The following C12orf42 variants were observed in gnomAD, a reference collection of about 807,000 sequenced individuals.
C12orf42 encodes chromosome 12 open reading frame 42.
A neutral mutation model predicts 21.6 loss-of-function variants in C12orf42; 25 were observed. The observed-to-expected ratio is 1.16, with a 90% CI of 0.84 to 1.62. The LOEUF is 1.62. C12orf42 is among the 40% of genes most tolerant of loss of function. The pLI is 0.00. For missense variants in C12orf42, 483 were observed against 459.3 expected, an observed-to-expected ratio of 1.05 and a Z score of -0.47; for synonymous variants, 174 against 175.0, an observed-to-expected ratio of 0.99 and a Z score of 0.05.
chr12:103,440,457 C>CAAAAAAAA, intron 2 of C12orf42, among the ~76,000 whole-genome samples: 73 of 69,670 alleles, frequency 1.0e-3, no homozygotes, highest in East Asian at 1.5e-3. Context: ...TCACAGATAC[C>CAAAAAAAA]AAAAAAAAAA....
At chr12:103,408,781 T>C (rs1050143041) in intron 2 of C12orf42, among the ~76,000 whole-genome samples, 1 of 152,290 alleles carries the variant, frequency 6.6e-6, no homozygotes, top group East Asian at 1.9e-4. Flanking sequence ...TGTATATTTT[T>C]TGTCAACTCC....
the C12orf42 span, among the ~76,000 whole-genome samples, chr12:103,103,870 G>A: frequency 4.0e-5 from 6 of 150,760 alleles, no homozygotes; most frequent in African/African-American, 1.2e-4. Context: ...GTGCGATCGC[G>A]GCTCACTGCA....
At chr12:103,102,704 C>T in the C12orf42 span, among the ~76,000 whole-genome samples, 1 of 152,188 alleles carries the variant, frequency 6.6e-6, no homozygotes. Flanking sequence ...ACAAATTTAG[C>T]AGCTTAAAAC....
intron 2 of C12orf42, among the ~76,000 whole-genome samples, chr12:103,421,433 G>A (rs2049891500): frequency 6.6e-6 from 1 of 151,966 alleles, no homozygotes; most frequent in Non-Finnish European, 1.5e-5. Flanking sequence ...TATTACCTGA[G>A]TGTGGTGGTG....
chr12:103,312,987 C>T (rs1322296757), intron 4 of C12orf42, among the ~76,000 whole-genome samples: 1 of 152,232 alleles, frequency 6.6e-6, no homozygotes, highest in Non-Finnish European at 1.5e-5. Context: ...ACTTCACACC[C>T]ACTTCTTGTA....
At chr12:103,519,350 A>G in the C12orf42 span, among the ~76,000 whole-genome samples, 1 of 152,138 alleles carries the variant, frequency 6.6e-6, no homozygotes, top group Non-Finnish European at 1.5e-5. Flanking sequence ...ACTTCATACT[A>G]TGTCCCAAAG....
At chr12:103,383,177 G>A (rs1833671491) in intron 3 of C12orf42, among the ~76,000 whole-genome samples, 1 of 151,410 alleles carries the variant, frequency 6.6e-6, no homozygotes, top group Non-Finnish European at 1.5e-5. Context: ...CCAGGCTGGA[G>A]TGCATTGGTG....
At chr12:103,457,511 A>G (rs1727554093) in intron 2 of C12orf42, among the ~76,000 whole-genome samples, 1 of 152,188 alleles carries the variant, frequency 6.6e-6, no homozygotes, top group Admixed American at 6.6e-5. Flanking sequence ...GTATTCAGGA[A>G]GATGGTCCAT....
At chr12:103,467,104 T>C (rs750855495) in intron 2 of C12orf42, among the ~76,000 whole-genome samples, 2 of 152,086 alleles carry the variant, frequency 1.3e-5, no homozygotes, top group African/African-American at 2.4e-5. Flanking sequence ...AAAATAAATA[T>C]TTACCGCTGT....
the C12orf42 span, among the ~76,000 whole-genome samples, chr12:103,144,570 G>A: frequency 6.6e-6 from 1 of 152,200 alleles, no homozygotes; most frequent in Non-Finnish European, 1.5e-5. Flanking sequence ...TTTCATCACT[G>A]CAAGGCAGTA....
the C12orf42 span, among the ~76,000 whole-genome samples, chr12:103,087,228 A>G: frequency 6.6e-6 from 1 of 152,198 alleles, no homozygotes; most frequent in Non-Finnish European, 1.5e-5. Context: ...TCACATATTA[A>G]ATGACTGTAA....
At chr12:103,256,085 AAT>A (rs1565998064) in intron 10 of C12orf42, among the ~76,000 whole-genome samples, 779 of 58,774 alleles carry the variant, frequency 0.013, 7 homozygotes, top group Non-Finnish European at 0.016. Context: ...AAAAAAAAAA[AAT>A]ATATATATAT....
At chr12:103,073,976 A>G in the C12orf42 span, among the ~76,000 whole-genome samples, 4 of 152,140 alleles carry the variant, frequency 2.6e-5, no homozygotes, top group East Asian at 7.7e-4. Context: ...ATTTGAACCC[A>G]ATGAGAGCCA....
At chr12:103,117,580 C>T in the C12orf42 span, among the ~76,000 whole-genome samples, 2 of 152,332 alleles carry the variant, frequency 1.3e-5, no homozygotes, top group Admixed American at 6.5e-5. Flanking sequence ...GTTTAACCTT[C>T]ACATCAATGC....
chr12:103,320,984 CTG>C (rs2136857287), intron 4 of C12orf42, among the ~76,000 whole-genome samples: 1 of 152,300 alleles, frequency 6.6e-6, no homozygotes, highest in Admixed American at 6.5e-5. Context: ...ATGCCACGCT[CTG>C]TGAGTGTTCT....
chr12:103,467,977 G>A (rs1288550512), intron 2 of C12orf42, among the ~76,000 whole-genome samples: 1 of 151,946 alleles, frequency 6.6e-6, no homozygotes, highest in Non-Finnish European at 1.5e-5. Context: ...TTTCTACCTG[G>A]GTCTCTGACT....
the C12orf42 span, among the ~76,000 whole-genome samples, chr12:103,116,370 G>GAA: frequency 6.4e-3 from 824 of 128,656 alleles, 6 homozygotes; most frequent in Non-Finnish European, 0.01. Flanking sequence ...ATCTCACCAA[G>GAA]AAAAAAAAAA....
the C12orf42 span, among the ~76,000 whole-genome samples, chr12:103,229,396 A>T: frequency 6.6e-6 from 1 of 152,184 alleles, no homozygotes; most frequent in Non-Finnish European, 1.5e-5. Context: ...TCAGCGATTC[A>T]AAAACACAAA....
intron 2 of C12orf42, among the ~76,000 whole-genome samples, chr12:103,426,043 G>A (rs1949781169): frequency 6.6e-6 from 1 of 152,184 alleles, no homozygotes; most frequent in African/African-American, 2.4e-5. Flanking sequence ...CCAAAAACCA[G>A]AACGCCTCTT....
Sources: allele counts gnomAD v4.1 joint callset (sites outside exome capture counted in the v4.1 genomes callset), GRCh38; gene constraint gnomAD v4.1.1; transcripts MANE v1.5; gene names NCBI Gene and HGNC (gene_info 2026-07-23, HGNC 2026-07-21).